The following SLC7A1 variants were observed in gnomAD, a reference collection of about 807,000 sequenced individuals.
SLC7A1 encodes the protein solute carrier family 7 member 1, also known as high affinity cationic amino acid transporter 1.
A neutral mutation model predicts 53.9 loss-of-function variants in SLC7A1; 10 were observed. The observed-to-expected ratio is 0.19, with a 90% CI of 0.11 to 0.31. The LOEUF (loss-of-function observed/expected upper bound fraction) is 0.31, where lower values mean the gene tolerates loss of function less well. Among genes scored for constraint, SLC7A1 ranks in the 10% least tolerant of loss-of-function variants. The pLI, the probability that SLC7A1 is intolerant of heterozygous loss-of-function variation, is 1.00. For synonymous variants in SLC7A1, 342 were observed against 338.7 expected (o/e 1.01, Z -0.11); for missense variants, 525 against 827.2 (o/e 0.63, Z 4.48).
At chr13:29,586,919 C>T (rs2139191206) in intron 1 of SLC7A1, 1 of 152,352 alleles carries the variant, frequency 6.6e-6, no homozygotes, top group Non-Finnish European at 1.5e-5. Context: ...AATGTTTGCA[C>T]TTCAAAGGGT....
At chr13:29,566,350 T>G (rs1251034912) in intron 1 of SLC7A1, among the ~76,000 whole-genome samples, 1 of 152,210 alleles carries the variant, frequency 6.6e-6, no homozygotes, top group South Asian at 2.1e-4. Context: ...TTATTCATAA[T>G]AGGCAAAAAG....
At chr13:29,560,664 G>A (rs1009685057) in intron 1 of SLC7A1, among the ~76,000 whole-genome samples, 3 of 152,120 alleles carry the variant, frequency 2.0e-5, no homozygotes, top group Admixed American at 6.5e-5. Flanking sequence ...AAAAACACAT[G>A]AGTAACGTGT....
chr13:29,526,624 G>A (rs1593544533), intron 5 of SLC7A1, among the ~76,000 whole-genome samples: 1 of 152,238 alleles, frequency 6.6e-6, no homozygotes, highest in African/African-American at 2.4e-5. Flanking sequence ...AGTGGAAAGT[G>A]CAGGGAACTG....
At chr13:29,538,354 A>G (rs902364053) in intron 2 of SLC7A1, among the ~76,000 whole-genome samples, 3 of 152,106 alleles carry the variant, frequency 2.0e-5, no homozygotes, top group African/African-American at 7.2e-5. Flanking sequence ...CAGAACCTAG[A>G]GTTTGAGAAG....
chr13:29,530,576 C>T lies in SLC7A1; in HGVS notation c.666G>A (p.Glu222=). ...GACGGCCTGATGTGTTCCCAAAATC[C>T]TCCTCCGTGAGCTGCCAGTTTTTAA... ...GSVKNWQLTE[E]DFGNTSGRLC... Residue 222 remains glutamate, a synonymous_variant, in exon 5 of 13, where the codon GAG becomes GAA. Coordinates refer to ENST00000380752, the MANE Select transcript of SLC7A1 (RefSeq NM_003045.5). The T allele has an allele frequency of 6.2e-7, 1 of 1,614,158 alleles. No individual in the cohort carries two copies. Among genetic ancestry groups the T allele is most frequent in the African/African-American group, 1.3e-5 (1 of 75,038 alleles).
intron 2 of SLC7A1, among the ~76,000 whole-genome samples, chr13:29,542,381 G>T (rs1566262285): frequency 6.6e-6 from 1 of 152,138 alleles, no homozygotes; most frequent in Non-Finnish European, 1.5e-5. Flanking sequence ...CTTGAACCTG[G>T]AAGGCAGAGG....
At position 29,514,336 on chromosome 13, in the gene SLC7A1, A is replaced by AG. The variant is rs1883488971; in HGVS notation, c.*143dup. 2 of 624,428 alleles carry AG rather than the reference A, an allele frequency of 3.2e-6. No homozygotes were observed. The highest frequency in any genetic ancestry group is 3.6e-5 in the African/African-American group (2 of 55,010). The allele number at this position is 624,428 out of a possible 1,614,324, so 38.7% of individuals were successfully genotyped here. A position where few individuals can be genotyped will look rare whatever the true frequency, so the allele number is the denominator to read the frequency against. On this transcript the variant is annotated 3_prime_UTR_variant, in exon 13 of 13. Coordinates refer to ENST00000380752, the MANE Select transcript of SLC7A1 (RefSeq NM_003045.5). ...AGAGCCGAGGGTGGGCTGGGGCTGCAGGTCAAGTAATTGCACCTTTGGCTG... is the reference window on the plus strand; with the variant it reads ...AGAGCCGAGGGTGGGCTGGGGCTGCAGGGTCAAGTAATTGCACCTTTGGCTG...
intron 1 of SLC7A1, among the ~76,000 whole-genome samples, chr13:29,583,432 A>C (rs1330206664): frequency 6.6e-6 from 1 of 152,192 alleles, no homozygotes; most frequent in African/African-American, 2.4e-5. Context: ...CTTTGCTGGA[A>C]AGAGACTCTT....
At chr13:29,583,171 A>G (rs1156459323) in intron 1 of SLC7A1, among the ~76,000 whole-genome samples, 1 of 152,224 alleles carries the variant, frequency 6.6e-6, no homozygotes, top group Non-Finnish European at 1.5e-5. Flanking sequence ...CCAGAACTGT[A>G]AAGGAGCCCA....
At chr13:29,559,922 A>G (rs571750361) in intron 1 of SLC7A1, among the ~76,000 whole-genome samples, 12 of 152,094 alleles carry the variant, frequency 7.9e-5, no homozygotes, top group South Asian at 6.2e-4. Context: ...TCACCGTGTT[A>G]GCCAGGATGG....
chr13:29,541,642 A>C (rs955335487), intron 2 of SLC7A1, among the ~76,000 whole-genome samples: 14 of 152,222 alleles, frequency 9.2e-5, no homozygotes, highest in Non-Finnish European at 2.1e-4. Flanking sequence ...ACAAATAGAG[A>C]CTAGCATAAC....
chr13:29,582,613 T>G (rs555479355), intron 1 of SLC7A1, among the ~76,000 whole-genome samples: 8 of 152,318 alleles, frequency 5.3e-5, no homozygotes, highest in African/African-American at 1.7e-4. Flanking sequence ...CCAGCAGTTT[T>G]GGAGGTGCTT....
intron 2 of SLC7A1, among the ~76,000 whole-genome samples, chr13:29,537,547 T>C (rs1869477694): frequency 6.6e-6 from 1 of 152,208 alleles, no homozygotes; most frequent in Admixed American, 6.5e-5. Context: ...GAATCAAATA[T>C]GGATGTCAGT....
At chr13:29,550,819 T>C (rs1455692079) in intron 2 of SLC7A1, among the ~76,000 whole-genome samples, 2 of 152,240 alleles carry the variant, frequency 1.3e-5, no homozygotes, top group Admixed American at 6.5e-5. Context: ...AAGATGTGTG[T>C]TGTTTTAAGC....
chr13:29,541,937 CT>C lies in SLC7A1; in HGVS notation c.-14-5736del, dbSNP rs1298922509. 2.6e-5 allele frequency among the ~76,000 whole-genome samples: 4 copies of C among 152,236 alleles called. No homozygotes were observed. In the East Asian group the frequency reaches 7.7e-4, roughly 29 times the overall value. ...TGGATAAACAAAGTACATATGTATT[CT>C]TTAAATGCCAGATAAAAAGTATATC... is the stretch of plus-strand genomic sequence containing the variant. On this transcript the variant is annotated intron_variant, in intron 2 of 12. Transcript: ENST00000380752.
rs1868385084 is a variant in SLC7A1, at chr13:29,517,264, C to T, written c.1557G>A (p.Glu519=). The T allele has an allele frequency of 6.2e-7, 1 of 1,613,408 alleles. No homozygotes were observed. Residue 519 remains glutamate (E), a synonymous_variant, in exon 11 of 13, where the codon GAG becomes GAA. Coordinates refer to ENST00000380752, the MANE Select transcript of SLC7A1 (RefSeq NM_003045.5). Reference sequence around the variant, plus strand: ...CCCACAGCGCCCCTTTGGTGAGAGCCTCCCTTCCAAGCACGGTCACAATGC... The same window carrying T: ...CCCACAGCGCCCCTTTGGTGAGAGCTTCCCTTCCAAGCACGGTCACAATGC... ...TFCIVTVLGR[E]ALTKGALWAV...
chr13:29,541,931 T>C (rs919080799), intron 2 of SLC7A1, among the ~76,000 whole-genome samples: 6 of 152,222 alleles, frequency 3.9e-5, no homozygotes, highest in East Asian at 1.9e-4. Flanking sequence ...AAAGTACATA[T>C]GTATTCTTTA....
chr13:29,550,703 A>T (rs908774835), intron 2 of SLC7A1, among the ~76,000 whole-genome samples: 5 of 152,198 alleles, frequency 3.3e-5, no homozygotes, highest in Non-Finnish European at 5.9e-5. Context: ...GATGAAAACC[A>T]AGCCCAGGCC....
At chr13:29,516,059 T>C in intron 12 of SLC7A1, 79 bp downstream of exon 12, 1 of 824,540 alleles carries the variant, frequency 1.2e-6, no homozygotes, top group South Asian at 1.7e-5. Flanking sequence ...ATGTGCGTCA[T>C]TCTGTTATGA....
Sources: allele counts gnomAD v4.1 joint callset (sites outside exome capture counted in the v4.1 genomes callset), GRCh38; gene constraint gnomAD v4.1.1; transcripts MANE v1.5; gene names NCBI Gene and HGNC (gene_info 2026-07-23, HGNC 2026-07-21).